Variants in PRDM16 observed in about 807,000 individuals in gnomAD.
PRDM16 encodes PR/SET domain 16.
Under a neutral mutation model 110.6 loss-of-function variants are expected in PRDM16, and 23 were observed. That is an observed-to-expected ratio of 0.21 (90% CI 0.15 to 0.29). The LOEUF is 0.29. Ranked by LOEUF, PRDM16 falls within the 10% of genes least tolerant of loss-of-function variation. The probability of loss-of-function intolerance (pLI) is 1.00; values close to 1 mark genes in which losing one functional copy is unlikely to be tolerated. For synonymous variants in PRDM16, 799 were observed against 781.8 expected, an observed-to-expected ratio of 1.02 and a Z score of -0.37; for missense variants, 1,615 against 1,794.3, an observed-to-expected ratio of 0.90 and a Z score of 1.81.
chr1:3,424,020 C>CCACGTGCA (rs1462527031), intron 12 of PRDM16, among the ~76,000 whole-genome samples: 1 of 152,208 alleles, frequency 6.6e-6, no homozygotes, highest in Non-Finnish European at 1.5e-5. Flanking sequence ...TGCCAAGCAC[C>CCACGTGCA]CACGTGCAAC....
At chr1:3,130,418 G>A (rs1337245129) in intron 1 of PRDM16, among the ~76,000 whole-genome samples, 1 of 152,188 alleles carries the variant, frequency 6.6e-6, no homozygotes, top group Non-Finnish European at 1.5e-5. Context: ...AGGAGCAAAG[G>A]CAGCCGAGAG....
At chr1:3,123,528 C>G (rs963052195) in intron 1 of PRDM16, among the ~76,000 whole-genome samples, 1 of 152,208 alleles carries the variant, frequency 6.6e-6, no homozygotes, top group East Asian at 1.9e-4. Context: ...CCTGGTTCAC[C>G]CTTTCAGCAC....
Position 3,143,637 on chromosome 1 carries a change from C to T in PRDM16, c.38-42488C>T, listed in dbSNP as rs1028664184. Among the ~76,000 whole-genome samples, 4 of 152,056 alleles carry T rather than the reference C, an allele frequency of 2.6e-5. No individual in the cohort carries two copies. Among genetic ancestry groups the T allele is most frequent in the African/African-American group, 2.4e-5 (1 of 41,406 alleles). The stretch of plus-strand genomic sequence containing the variant: ...GATTACAGGTGTGCACCACCACGCC[C>T]GGCTAATTTTTGTATTTTTAGTAGA... On this transcript the variant is annotated intron_variant, in intron 1 of 16. Transcript: ENST00000270722. This position sits in a 1 kb window ranked among gnomAD's most constrained non-coding sequence, Gnocchi z 4.5.
chr1:3,399,855 A>C (rs143002916), intron 5 of PRDM16, among the ~76,000 whole-genome samples: 3 of 152,160 alleles, frequency 2.0e-5, no homozygotes, highest in Admixed American at 6.5e-5. Context: ...TGGCATTTCT[A>C]ACTGAATCAC....
At position 3,235,921 on chromosome 1, in the gene PRDM16, G is replaced by A. The variant is rs1020196678; in HGVS notation, c.388-8166G>A. Among the ~76,000 whole-genome samples, 2 of 152,210 alleles carry A rather than the reference G, an allele frequency of 1.3e-5. 1 individual carries two copies. The highest frequency in any genetic ancestry group is 6.3e-3 in the Middle Eastern group (2 of 316). Reference sequence around the variant, plus strand: ...GGCGGGGGAGTGGGGGTTGTGTGGTGGAGGAGCTGCGTCTTTGGCTTGGTG... The same window carrying A: ...GGCGGGGGAGTGGGGGTTGTGTGGTAGAGGAGCTGCGTCTTTGGCTTGGTG... On this transcript the variant is annotated intron_variant, in intron 2 of 16. Coordinates refer to ENST00000270722, the MANE Select transcript of PRDM16 (RefSeq NM_022114.4).
intron 5 of PRDM16, among the ~76,000 whole-genome samples, chr1:3,399,875 T>A (rs1371951169): frequency 6.6e-6 from 1 of 152,224 alleles, no homozygotes; most frequent in African/African-American, 2.4e-5. Flanking sequence ...CGATGCTGGC[T>A]GGAGGCCCCA....
At chr1:3,242,344 C>T (rs564836840) in intron 2 of PRDM16, among the ~76,000 whole-genome samples, 77 of 152,330 alleles carry the variant, frequency 5.1e-4, no homozygotes, top group African/African-American at 1.7e-3. Context: ...CTTTAACTGG[C>T]AACAAGATCC....
intron 4 of PRDM16, 179 bp from the exon 5 acceptor site, chr1:3,396,312 G>A (rs1021511851): frequency 1.6e-5 from 11 of 678,368 alleles, no homozygotes; most frequent in South Asian, 4.5e-5. Context: ...AAAAGGGGAC[G>A]CAATTCCTTC....
chr1:3,335,160 A>C (rs945632026), intron 3 of PRDM16, among the ~76,000 whole-genome samples: 2 of 152,190 alleles, frequency 1.3e-5, no homozygotes, highest in East Asian at 3.9e-4. Context: ...CCAGCGTGCG[A>C]ATTCCAGCTG....
In PRDM16 at chr1:3,434,978, C is replaced by T. The variant is rs548796882; in HGVS notation, c.*1167C>T. ...CAAGCCGCACCTGTGCCTGAGACTCCGGATGGACGACACAGTCGTCACGTC... is the reference window on the plus strand; with the variant it reads ...CAAGCCGCACCTGTGCCTGAGACTCTGGATGGACGACACAGTCGTCACGTC... On this transcript the variant is annotated 3_prime_UTR_variant, in exon 17 of 17. Coordinates refer to ENST00000270722, the MANE Select transcript of PRDM16 (RefSeq NM_022114.4). 2.5e-4 allele frequency: 58 copies of T among 228,594 alleles called. No individual in the cohort carries two copies. In the East Asian group the frequency reaches 2.6e-3, roughly 10 times the overall value. 14.2% of individuals were successfully genotyped at this position (228,594 alleles called of 1,614,324 possible).
chr1:3,319,022 C>T (rs1406259038), intron 3 of PRDM16, among the ~76,000 whole-genome samples: 2 of 152,210 alleles, frequency 1.3e-5, no homozygotes, highest in African/African-American at 2.4e-5. Context: ...CCAGAAACTC[C>T]AGCCCAGTGA....
chr1:3,307,312 C>T (rs1641337852), intron 3 of PRDM16: 1 of 152,152 alleles, frequency 6.6e-6, no homozygotes, highest in Non-Finnish European at 1.5e-5. Context: ...GGCAGGTCCC[C>T]ATTTCTCCAC....
At chr1:3,301,797 A>T (rs1324755932) in intron 3 of PRDM16, among the ~76,000 whole-genome samples, 1 of 152,206 alleles carries the variant, frequency 6.6e-6, no homozygotes, top group Non-Finnish European at 1.5e-5. Flanking sequence ...ACCACACCTG[A>T]GCCACATTCT....
chr1:3,383,502 G>A (rs1232798240), intron 3 of PRDM16, among the ~76,000 whole-genome samples: 1 of 152,186 alleles, frequency 6.6e-6, no homozygotes, highest in Non-Finnish European at 1.5e-5. Context: ...AGCCTCAGGG[G>A]AAGAGGGAAC....
At chr1:3,163,376 A>G (rs111912636) in intron 1 of PRDM16, among the ~76,000 whole-genome samples, 6 of 151,684 alleles carry the variant, frequency 4.0e-5, no homozygotes, top group African/African-American at 1.5e-4. Flanking sequence ...ACAACCATCA[A>G]GTTCCAAGCT....
rs146301247 is a variant in PRDM16 at position 3,185,736 on chromosome 1, C to T, written c.38-389C>T. 1.9e-3 allele frequency among the ~76,000 whole-genome samples: 290 copies of T among 152,360 alleles called. 5 individuals are homozygous for T. Among genetic ancestry groups the T allele is most frequent in the Non-Finnish European group, 2.1e-3 (145 of 68,030 alleles). On this transcript the variant is annotated intron_variant, in intron 1 of 16. Coordinates refer to ENST00000270722, the MANE Select transcript of PRDM16 (RefSeq NM_022114.4). ...GCCCTGGGTCAGCCGCCACGCGTGA[C>T]GGCTTCACCGGCTGTCCCCAGGCTT...
rs61759167 is a variant in PRDM16 at position 3,175,023 on chromosome 1, C to T, written c.38-11102C>T. Among the ~76,000 whole-genome samples the T allele has an allele frequency of 0.23, 35,002 of 152,142 alleles. 4,128 individuals are homozygous for T. The highest frequency in any genetic ancestry group is 0.29 in the Admixed American group (4,453 of 15,292). ...GAGTCCCAGTGCCGCAGGGCAGCCG[C>T]GGTCCCGGGCTGGTCAGAAGGTGGG... is the stretch of plus-strand genomic sequence containing the variant. On this transcript the variant is annotated intron_variant, in intron 1 of 16. Coordinates refer to ENST00000270722, the MANE Select transcript of PRDM16 (RefSeq NM_022114.4). This position sits in a 1 kb window ranked among gnomAD's most constrained non-coding sequence, Gnocchi z 4.8.
chr1:3,216,872 G>C (rs752928430), intron 2 of PRDM16, among the ~76,000 whole-genome samples: 2 of 152,218 alleles, frequency 1.3e-5, no homozygotes, highest in African/African-American at 2.4e-5. Flanking sequence ...GGTGCCCACT[G>C]TCCGCACCTC....
chr1:3,158,000 A>C lies in PRDM16; in HGVS notation c.38-28125A>C, dbSNP rs1193485796. On this transcript the variant is annotated intron_variant, in intron 1 of 16. Transcript: ENST00000270722. This position sits in a 1 kb window ranked among gnomAD's most constrained non-coding sequence, Gnocchi z 4.8. ...CTCATTGCAGAAAATACAGAAACAG[A>C]TTTTGAAATGGAAAACCTTGCCTCT... 1.3e-5 allele frequency among the ~76,000 whole-genome samples: 2 copies of C among 152,214 alleles called. No individual in the cohort carries two copies. Among genetic ancestry groups the C allele is most frequent in the Non-Finnish European group, 2.9e-5 (2 of 68,040 alleles).
Sources: allele counts gnomAD v4.1 joint callset (sites outside exome capture counted in the v4.1 genomes callset), GRCh38; gene constraint gnomAD v4.1.1; non-coding constraint Gnocchi (gnomAD v3.1); transcripts MANE v1.5; gene names NCBI Gene and HGNC (gene_info 2026-07-23, HGNC 2026-07-21).